Variants in GPC5 observed in about 807,000 individuals in gnomAD.
The protein encoded by GPC5 is glypican 5, also known as glypican-5.
In GPC5, 47 loss-of-function variants were observed where a neutral mutation model predicts 53.9. That is an observed-to-expected ratio of 0.87 (90% CI 0.69 to 1.11). GPC5 has a LOEUF of 1.11. Ranked by LOEUF, GPC5 falls within the 50% of genes most tolerant of loss-of-function variation. The pLI, the probability that GPC5 is intolerant of heterozygous loss-of-function variation, is 0.00. For synonymous variants in GPC5, 286 were observed against 263.3 expected (o/e 1.09, Z -0.84); for missense variants, 748 against 713.1 (o/e 1.05, Z -0.56).
rs71427569 is a variant in GPC5, at chr13:92,392,327, G to A, written c.1561+247338G>A. On this transcript the variant is annotated intron_variant, in intron 7 of 7. Coordinates refer to ENST00000377067, the MANE Select transcript of GPC5 (RefSeq NM_004466.6). Reference sequence around the variant, plus strand: ...AAAGGCTCCCTATTCAATAAATGGTGTTGGGAGAACTGGCTAGCAATATGC... The same window carrying A: ...AAAGGCTCCCTATTCAATAAATGGTATTGGGAGAACTGGCTAGCAATATGC... Among the ~76,000 whole-genome samples the A allele has an allele frequency of 9.3e-3, 1,423 of 152,274 alleles. 24 individuals carry two copies. The highest frequency in any genetic ancestry group is 0.051 in the Middle Eastern group (15 of 294).
At chr13:92,745,159 T>C (rs2139317152) in intron 7 of GPC5, among the ~76,000 whole-genome samples, 1 of 152,262 alleles carries the variant, frequency 6.6e-6, no homozygotes, top group Non-Finnish European at 1.5e-5. Context: ...GTTATATACA[T>C]GGGAAAATTT....
intron 7 of GPC5, among the ~76,000 whole-genome samples, chr13:92,466,607 G>A (rs1306021856): frequency 6.6e-6 from 1 of 152,072 alleles, no homozygotes; most frequent in Non-Finnish European, 1.5e-5. Context: ...AAGCATTAAA[G>A]TGTGCATTTT....
At chr13:91,603,277 A>G (rs1383580138) in intron 2 of GPC5, among the ~76,000 whole-genome samples, 3 of 152,240 alleles carry the variant, frequency 2.0e-5, no homozygotes. Context: ...TAAATGATGT[A>G]GTGTCCTTGT....
chr13:91,822,462 G>A (rs1026244539), intron 5 of GPC5, among the ~76,000 whole-genome samples: 8 of 152,144 alleles, frequency 5.3e-5, no homozygotes, highest in African/African-American at 1.2e-4. Flanking sequence ...TGTGAACATC[G>A]TCAGTAAGCA....
intron 7 of GPC5, among the ~76,000 whole-genome samples, chr13:92,795,889 C>T (rs9561159): frequency 0.17 from 25,900 of 151,932 alleles, 3,244 homozygotes; most frequent in African/African-American, 0.34. Flanking sequence ...TGTGGAGAAA[C>T]AGGAACACTT....
chr13:92,044,968 T>C (rs965815365), intron 6 of GPC5, among the ~76,000 whole-genome samples: 2 of 152,210 alleles, frequency 1.3e-5, no homozygotes, highest in Non-Finnish European at 2.9e-5. Context: ...CATCTTATTC[T>C]AAATAGGTTC....
At chr13:92,380,787 C>T (rs1302925848) in intron 7 of GPC5, among the ~76,000 whole-genome samples, 1 of 150,344 alleles carries the variant, frequency 6.7e-6, no homozygotes, top group East Asian at 2.0e-4. Context: ...AGGGATAGCA[C>T]TGAGAGATAT....
At chr13:91,839,290 A>T (rs968066083) in intron 5 of GPC5, among the ~76,000 whole-genome samples, 4 of 152,084 alleles carry the variant, frequency 2.6e-5, no homozygotes, top group Non-Finnish European at 5.9e-5. Context: ...ATTTATATTC[A>T]TATTTCTTGG....
At chr13:91,445,810 A>G (rs1054842656) in intron 1 of GPC5, among the ~76,000 whole-genome samples, 1 of 152,138 alleles carries the variant, frequency 6.6e-6, no homozygotes, top group Non-Finnish European at 1.5e-5. Context: ...GGAATTTCCC[A>G]TTTAATATTT....
intron 6 of GPC5, among the ~76,000 whole-genome samples, chr13:92,027,088 CTT>C (rs1420557786): frequency 2.0e-5 from 3 of 152,100 alleles, no homozygotes. Context: ...TAAAACAAGT[CTT>C]TGTTGAAATC....
chr13:92,607,128 T>C (rs1460918597), intron 7 of GPC5, among the ~76,000 whole-genome samples: 1 of 152,152 alleles, frequency 6.6e-6, no homozygotes, highest in African/African-American at 2.4e-5. Context: ...GGAAAATGTA[T>C]CTGGATAATA....
At chr13:91,936,777 A>T (rs1197983126) in intron 6 of GPC5, among the ~76,000 whole-genome samples, 1 of 151,988 alleles carries the variant, frequency 6.6e-6, no homozygotes, top group East Asian at 1.9e-4. Flanking sequence ...ATGGGAGTCA[A>T]TTTGTTTGAG....
intron 5 of GPC5, among the ~76,000 whole-genome samples, chr13:91,869,149 C>A (rs1202054246): frequency 6.6e-6 from 1 of 151,822 alleles, no homozygotes; most frequent in African/African-American, 2.4e-5. Context: ...AAGCTCTGCC[C>A]CCTGGGTTCA....
rs1271396702 is a variant in GPC5 at position 91,735,798 on chromosome 13, C to T, written c.1154+7133C>T. Among the ~76,000 whole-genome samples, 6 of 151,244 alleles carry T rather than the reference C, an allele frequency of 4.0e-5. No individual in the cohort carries two copies. In the South Asian group the frequency reaches 6.2e-4, roughly 16 times the overall value. On this transcript the variant is annotated intron_variant, in intron 4 of 7. Transcript: ENST00000377067. Reference sequence around the variant, plus strand: ...CACATACCCTATGCACTAGAGTCTACTACTTAGGATGTGTCCTAAGGAAAC... The same window carrying T: ...CACATACCCTATGCACTAGAGTCTATTACTTAGGATGTGTCCTAAGGAAAC...
At chr13:92,271,514 G>A (rs2042839646) in intron 7 of GPC5, among the ~76,000 whole-genome samples, 1 of 152,184 alleles carries the variant, frequency 6.6e-6, no homozygotes, top group South Asian at 2.1e-4. Flanking sequence ...TTGAGAAAGA[G>A]ATTGGTGACA....
intron 6 of GPC5, among the ~76,000 whole-genome samples, chr13:92,039,326 A>G (rs1337757109): frequency 1.2e-4 from 18 of 152,344 alleles, no homozygotes; most frequent in Non-Finnish European, 1.5e-5. Context: ...ATCAGTAGAG[A>G]GTGGAAAATG....
At chr13:91,621,074 A>G (rs1350690254) in intron 2 of GPC5, among the ~76,000 whole-genome samples, 1 of 152,098 alleles carries the variant, frequency 6.6e-6, no homozygotes, top group Non-Finnish European at 1.5e-5. Context: ...CCTCTGTTAG[A>G]ATGTGTGGGG....
At chr13:91,763,044 C>A (rs560577298) in intron 5 of GPC5, among the ~76,000 whole-genome samples, 2 of 152,216 alleles carry the variant, frequency 1.3e-5, no homozygotes, top group South Asian at 4.1e-4. Flanking sequence ...TGATTAATAT[C>A]ATTGAACATC....
intron 7 of GPC5, among the ~76,000 whole-genome samples, chr13:92,347,140 TA>T (rs139029227): frequency 6.6e-5 from 10 of 151,926 alleles, no homozygotes; most frequent in Non-Finnish European, 1.5e-4. Flanking sequence ...AAATAAGGGC[TA>T]AAAAAAACTT....
Sources: allele counts gnomAD v4.1 joint callset (sites outside exome capture counted in the v4.1 genomes callset), GRCh38; gene constraint gnomAD v4.1.1; transcripts MANE v1.5; gene names NCBI Gene and HGNC (gene_info 2026-07-23, HGNC 2026-07-21).